The following LMNTD1 variants were observed in gnomAD, a reference collection of about 807,000 sequenced individuals.
The protein encoded by LMNTD1 is lamin tail domain-containing protein 1.
In LMNTD1, 35 loss-of-function variants were observed where a neutral mutation model predicts 50.9. The ratio of observed to expected loss-of-function variants is 0.69; its 90% CI spans 0.53 to 0.91. The LOEUF is 0.91. Ranked by LOEUF, LMNTD1 falls within the 40% of genes least tolerant of loss-of-function variation. The probability of loss-of-function intolerance (pLI) is 0.00; values close to 1 mark genes in which losing one functional copy is unlikely to be tolerated. For synonymous variants in LMNTD1, 153 were observed against 161.9 expected, an observed-to-expected ratio of 0.94 and a Z score of 0.42; for missense variants, 470 against 475.5, an observed-to-expected ratio of 0.99 and a Z score of 0.11.
At chr12:25,573,696 T>C (rs906568747) in intron 1 of LMNTD1, among the ~76,000 whole-genome samples, 1 of 152,170 alleles carries the variant, frequency 6.6e-6, no homozygotes, top group African/African-American at 2.4e-5. Context: ...CAACTTGTAA[T>C]GGGGAGGATA....
intron 1 of LMNTD1, among the ~76,000 whole-genome samples, chr12:25,631,719 G>C (rs1208176321): frequency 1.3e-5 from 2 of 152,030 alleles, no homozygotes; most frequent in South Asian, 2.1e-4. Flanking sequence ...AACCAACCAT[G>C]GTAATATGAC....
chr12:25,595,724 A>C (rs1042870621), intron 1 of LMNTD1, among the ~76,000 whole-genome samples: 1 of 152,164 alleles, frequency 6.6e-6, no homozygotes, highest in Non-Finnish European at 1.5e-5. Context: ...GGAAATAACC[A>C]ACATCACAGC....
chr12:25,608,027 G>A (rs1182329318), intron 1 of LMNTD1, among the ~76,000 whole-genome samples: 1 of 152,084 alleles, frequency 6.6e-6, no homozygotes, highest in Non-Finnish European at 1.5e-5. Flanking sequence ...CCTGTATTGG[G>A]TGCATATATA....
chr12:25,479,572 C>T (rs1329100674), intron 9 of LMNTD1, among the ~76,000 whole-genome samples: 2 of 152,160 alleles, frequency 1.3e-5, no homozygotes, highest in Admixed American at 6.5e-5. Context: ...CAGTGAATTC[C>T]ATGAGCATGA....
upstream of LMNTD1, among the ~76,000 whole-genome samples, chr12:25,555,457 A>T (rs1330295786): frequency 6.6e-6 from 1 of 152,210 alleles, no homozygotes. Context: ...CACTTTTTGT[A>T]ATTTGTGGAT....
intron 1 of LMNTD1, among the ~76,000 whole-genome samples, chr12:25,626,360 A>G (rs1474011447): frequency 6.6e-6 from 1 of 152,182 alleles, no homozygotes; most frequent in African/African-American, 2.4e-5. Flanking sequence ...ACACACATAT[A>G]TATACATACA....
intron 1 of LMNTD1, among the ~76,000 whole-genome samples, chr12:25,622,474 C>CA (rs960380642): frequency 7.0e-6 from 1 of 143,104 alleles, no homozygotes; most frequent in Non-Finnish European, 1.6e-5. Flanking sequence ...CCCGCCCCCC[C>CA]CCGCAAAATA....
intron 1 of LMNTD1, among the ~76,000 whole-genome samples, chr12:25,633,032 GA>G (rs144752389): frequency 0.11 from 11,730 of 103,682 alleles, 860 homozygotes; most frequent in African/African-American, 0.21. Context: ...TCTTATATCA[GA>G]AAAAAAAAAA....
At chr12:25,570,021 AGCCACACAGCTG>A (rs1219476536) in intron 1 of LMNTD1, among the ~76,000 whole-genome samples, 3 of 152,246 alleles carry the variant, frequency 2.0e-5, no homozygotes, top group Non-Finnish European at 4.4e-5. Context: ...AATTGTCCAA[AGCCACACAGCTG>A]TAAAGTAGCA....
At chr12:25,625,641 A>G (rs2136578667) in intron 1 of LMNTD1, among the ~76,000 whole-genome samples, 1 of 152,266 alleles carries the variant, frequency 6.6e-6, no homozygotes, top group East Asian at 1.9e-4. Flanking sequence ...AGTTCTTTTC[A>G]GACTCCCCGG....
Position 25,549,535 on chromosome 12 carries a change from T to G in LMNTD1, c.101A>C (p.Lys34Thr). 1 of 1,600,200 alleles carries G rather than the reference T, an allele frequency of 6.2e-7. No homozygotes were observed. Among genetic ancestry groups the G allele is most frequent in the Non-Finnish European group, 8.6e-7 (1 of 1,169,300 alleles). ...ATGTACTAAAGAATATACTCCAAGT[T>G]TGTCTTCTCTTCTGTGTACAAAAAA... is the stretch of plus-strand genomic sequence containing the variant. ...KNEKQKQRED[K>T]LGVYSLVHFS... The change falls in exon 3 of 10, where the codon AAA (lysine) becomes ACA (threonine). Residue 34 changes from lysine (K) to threonine (T), a missense_variant. Transcript: ENST00000458174.
At chr12:25,612,328 A>ACGCACACG (rs1555122419) in intron 1 of LMNTD1, among the ~76,000 whole-genome samples, 2 of 146,418 alleles carry the variant, frequency 1.4e-5, no homozygotes, top group Non-Finnish European at 3.0e-5. Flanking sequence ...ACACACACAC[A>ACGCACACG]CGCGCTCCCA....
At chr12:25,606,178 G>C (rs1946096862) in intron 1 of LMNTD1, among the ~76,000 whole-genome samples, 2 of 152,144 alleles carry the variant, frequency 1.3e-5, no homozygotes, top group Admixed American at 6.6e-5. Flanking sequence ...TTTTCACATT[G>C]ATTTTGTATC....
At chr12:25,530,592 G>A (rs552713601) in intron 4 of LMNTD1, among the ~76,000 whole-genome samples, 1 of 152,302 alleles carries the variant, frequency 6.6e-6, no homozygotes, top group South Asian at 2.1e-4. Flanking sequence ...CTTCCTAGCT[G>A]TTCCGTTGAT....
At chr12:25,478,150 C>A (rs945502199) in intron 9 of LMNTD1, among the ~76,000 whole-genome samples, 2 of 152,164 alleles carry the variant, frequency 1.3e-5, no homozygotes, top group African/African-American at 2.4e-5. Flanking sequence ...GCAACACCCT[C>A]ACAGACATAC....
intron 1 of LMNTD1, among the ~76,000 whole-genome samples, chr12:25,626,641 T>C (rs1168319449): frequency 6.6e-6 from 1 of 152,172 alleles, no homozygotes; most frequent in Non-Finnish European, 1.5e-5. Flanking sequence ...GGAATGCACA[T>C]AGTATTTAAA....
chr12:25,526,012 T>C, intron 6 of LMNTD1, 87 bp downstream of exon 6: 1 of 1,117,706 alleles, frequency 8.9e-7, no homozygotes, highest in South Asian at 2.5e-5. Flanking sequence ...ACACATTGTA[T>C]AAAATAAAAA....
At chr12:25,504,286 T>C (rs979302428) in intron 8 of LMNTD1, among the ~76,000 whole-genome samples, 25 of 152,194 alleles carry the variant, frequency 1.6e-4, no homozygotes, top group African/African-American at 5.5e-4. Context: ...CAGAAGGGGA[T>C]GATGCTTCGC....
At chr12:25,581,109 A>C (rs1261116243) in intron 1 of LMNTD1, among the ~76,000 whole-genome samples, 1 of 152,202 alleles carries the variant, frequency 6.6e-6, no homozygotes, top group East Asian at 1.9e-4. Context: ...ATTTCCTGGA[A>C]GCATCCTGTA....
Sources: gnomAD v4.1 joint callset for allele counts (sites outside exome capture counted in the v4.1 genomes callset) on GRCh38, gnomAD v4.1.1 for gene constraint, MANE v1.5 for transcripts, NCBI Gene and HGNC (gene_info 2026-07-23, HGNC 2026-07-21) for gene names.